HS3ST3A1: variants seen among roughly 807,000 people sequenced by gnomAD.
HS3ST3A1 encodes the protein heparan sulfate-glucosamine 3-sulfotransferase 3A1, also known as heparan sulfate glucosamine 3-O-sulfotransferase 3A1.
A neutral mutation model predicts 25.7 loss-of-function variants in HS3ST3A1; 19 were observed. The ratio of observed to expected loss-of-function variants is 0.74; its 90% CI spans 0.52 to 1.08. HS3ST3A1 has a LOEUF of 1.08. Among genes scored for constraint, HS3ST3A1 ranks in the 50% least tolerant of loss-of-function variants. The probability of loss-of-function intolerance (pLI) is 0.00; values close to 1 mark genes in which losing one functional copy is unlikely to be tolerated. For missense variants in HS3ST3A1, 459 were observed against 594.3 expected (o/e 0.77, Z 2.37); for synonymous variants, 226 against 278.6 (o/e 0.81, Z 1.88).
intron 1 of HS3ST3A1, among the ~76,000 whole-genome samples, chr17:13,593,911 T>A (rs1908506539): frequency 6.6e-6 from 1 of 152,168 alleles, no homozygotes; most frequent in African/African-American, 2.4e-5. Flanking sequence ...TTCCCATAAA[T>A]GCCTTAGTTC....
Position 13,600,541 on chromosome 17 carries a change from C to T in HS3ST3A1, c.589G>A (p.Ala197Thr). The change falls in exon 1 of 2, where the codon GCC becomes ACC. Residue 197 changes from alanine to threonine, a missense_variant. By Grantham distance (58) the Ala-to-Thr change is moderately conservative (BLOSUM62 0). Around this residue, in one of 3 missense-constraint regions of HS3ST3A1, gnomAD observed 346 missense variants for 303.9 expected, o/e 1.14. Transcript: ENST00000284110. ...FFDRSYDKGL[A>T]WYRDLMPRTL... The stretch of plus-strand genomic sequence containing the variant: ...GCCCGCCCCGCTCACCGGTACCAGG[C>T]GAGGCCCTTGTCGTAGCTGCGGTCG... The T allele has an allele frequency of 3.8e-6, 6 of 1,598,202 alleles. No individual in the cohort carries two copies. The highest frequency in any genetic ancestry group is 1.7e-4 in the Middle Eastern group (1 of 5,998).
chr17:13,559,815 T>TTTTTA (rs916630179), intron 1 of HS3ST3A1, among the ~76,000 whole-genome samples: 47 of 152,028 alleles, frequency 3.1e-4, no homozygotes, highest in Admixed American at 4.6e-4. Flanking sequence ...TAAATACACA[T>TTTTTA]TTTTATTTTA....
intron 1 of HS3ST3A1, among the ~76,000 whole-genome samples, chr17:13,590,993 C>T (rs1423050463): frequency 6.6e-6 from 1 of 151,880 alleles, no homozygotes; most frequent in Non-Finnish European, 1.5e-5. Flanking sequence ...TCTCCTTGCT[C>T]CAATTCCAGA....
At chr17:13,500,955 C>G (rs967186097) in intron 1 of HS3ST3A1, among the ~76,000 whole-genome samples, 1 of 152,212 alleles carries the variant, frequency 6.6e-6, no homozygotes, top group African/African-American at 2.4e-5. Context: ...CTGACATACA[C>G]TCCAACATAG....
In HS3ST3A1 at chr17:13,496,010, C is replaced by T. The variant is rs184702605; in HGVS notation, c.*187G>A. On this transcript the variant is annotated 3_prime_UTR_variant, in exon 2 of 2. Coordinates refer to ENST00000284110, the MANE Select transcript of HS3ST3A1 (RefSeq NM_006042.3). ...TTTAGACGAGTGAAATTTTCCTTTT[C>T]TGTTGATCCACGTGTTTGGTGTTGG... The T allele has an allele frequency of 8.0e-5, 54 of 676,894 alleles. No homozygotes were observed. The Admixed American group carries it at 1.2e-3, about 15-fold the overall frequency. 41.9% of individuals were successfully genotyped at this position (676,894 alleles called of 1,614,324 possible).
At chr17:13,516,590 C>T (rs755785768) in intron 1 of HS3ST3A1, among the ~76,000 whole-genome samples, 6 of 152,128 alleles carry the variant, frequency 3.9e-5, no homozygotes, top group Admixed American at 6.5e-5. Context: ...AAGTTGTACA[C>T]GCTTCTTGTT....
chr17:13,522,328 C>T (rs1375470391), intron 1 of HS3ST3A1, among the ~76,000 whole-genome samples: 2 of 151,442 alleles, frequency 1.3e-5, no homozygotes, highest in Non-Finnish European at 2.9e-5. Flanking sequence ...TATAGTCTCC[C>T]ACTTAGAAAT....
In HS3ST3A1 at chr17:13,600,456, C is replaced by G. The variant is rs142627880; in HGVS notation, c.599+75G>C. 2,317 of 1,452,782 alleles carry G rather than the reference C, an allele frequency of 1.6e-3. 26 individuals carry two copies. The African/African-American group carries it at 0.031, about 19-fold the overall frequency. The allele number at this position is 1,452,782 out of a possible 1,614,324, so 90.0% of individuals were successfully genotyped here. A position where few individuals can be genotyped will look rare whatever the true frequency, so the allele number is the denominator to read the frequency against. ...GGGAGGAGGGCGAACTGGGGGTCAC[C>G]GAGGGCTCCTCCACGTCTTTCCCAG... On this transcript the variant is annotated intron_variant, in intron 1 of 1. Coordinates refer to ENST00000284110, the MANE Select transcript of HS3ST3A1 (RefSeq NM_006042.3).
chr17:13,601,230 GC>G lies in HS3ST3A1; in HGVS notation c.-102del. The G allele has an allele frequency of 1.1e-6, 1 of 873,332 alleles. No individual in the cohort carries two copies. The highest frequency in any genetic ancestry group is 1.6e-6 in the Non-Finnish European group (1 of 612,652). The allele number at this position is 873,332 out of a possible 1,614,324, so 54.1% of individuals were successfully genotyped here. ...CGGCGGGCCAGCGCGCTGGACGGAG[GC>G]CACATCGCCGTGCGCCCCTGTGGCC... On this transcript the variant is annotated 5_prime_UTR_variant, in exon 1 of 2. The change abolishes the stop of an existing upstream ORF in the 5' untranslated region. Coordinates refer to ENST00000284110, the MANE Select transcript of HS3ST3A1 (RefSeq NM_006042.3).
intron 1 of HS3ST3A1, among the ~76,000 whole-genome samples, chr17:13,513,424 C>A (rs1905944187): frequency 6.6e-6 from 1 of 152,128 alleles, no homozygotes. Context: ...AAAAATTCTA[C>A]ATGCAAAAAA....
intron 1 of HS3ST3A1, among the ~76,000 whole-genome samples, chr17:13,579,123 T>G (rs1908032289): frequency 6.6e-6 from 1 of 152,216 alleles, no homozygotes; most frequent in Admixed American, 6.5e-5. Flanking sequence ...TTTGTCTTTG[T>G]TGTTTCAGCA....
At chr17:13,579,469 G>C (rs963098393) in intron 1 of HS3ST3A1, among the ~76,000 whole-genome samples, 1 of 151,944 alleles carries the variant, frequency 6.6e-6, no homozygotes, top group Non-Finnish European at 1.5e-5. Context: ...AGGAGGCCGA[G>C]GTGGGCAGAT....
At chr17:13,508,763 C>T (rs1051460716) in intron 1 of HS3ST3A1, among the ~76,000 whole-genome samples, 3 of 152,120 alleles carry the variant, frequency 2.0e-5, no homozygotes, top group Non-Finnish European at 4.4e-5. Flanking sequence ...AAAGAAATAA[C>T]TTTACAACAC....
chr17:13,575,425 G>A (rs1275452889), intron 1 of HS3ST3A1, among the ~76,000 whole-genome samples: 5 of 152,216 alleles, frequency 3.3e-5, no homozygotes, highest in Admixed American at 1.3e-4. Context: ...CTTTGAAGAA[G>A]AAACTATAGA....
intron 1 of HS3ST3A1, among the ~76,000 whole-genome samples, chr17:13,526,457 G>T (rs575903766): frequency 8.6e-6 from 1 of 116,228 alleles, no homozygotes; most frequent in African/African-American, 3.3e-5. Context: ...TATTGAACTT[G>T]GATACAACTT....
Position 13,496,112 on chromosome 17 carries a change from C to T in HS3ST3A1, c.*85G>A. ...AAAAAATACTGAAACATATTTTCAGCACAAATATTAAACTGTCTCTTCTCT... is the reference window on the plus strand; with the variant it reads ...AAAAAATACTGAAACATATTTTCAGTACAAATATTAAACTGTCTCTTCTCT... On this transcript the variant is annotated 3_prime_UTR_variant, in exon 2 of 2. Transcript: ENST00000284110. 1.5e-6 allele frequency: 2 copies of T among 1,358,660 alleles called. No homozygotes were observed. The highest frequency in any genetic ancestry group is 1.9e-6 in the Non-Finnish European group (2 of 1,028,066). The allele number at this position is 1,358,660 out of a possible 1,614,324, so 84.2% of individuals were successfully genotyped here. A position where few individuals can be genotyped will look rare whatever the true frequency, so the allele number is the denominator to read the frequency against.
intron 1 of HS3ST3A1, among the ~76,000 whole-genome samples, chr17:13,513,053 T>C (rs1444937869): frequency 6.6e-6 from 1 of 152,198 alleles, no homozygotes; most frequent in Non-Finnish European, 1.5e-5. Context: ...TGTTCAGACA[T>C]AGGGTATGCG....
intron 1 of HS3ST3A1, among the ~76,000 whole-genome samples, chr17:13,583,368 T>A (rs1418029324): frequency 1.3e-5 from 2 of 152,206 alleles, no homozygotes; most frequent in Non-Finnish European, 2.9e-5. Context: ...GGTCATGCAA[T>A]GAAATATTCT....
intron 1 of HS3ST3A1, among the ~76,000 whole-genome samples, chr17:13,531,491 C>T (rs1468420162): frequency 1.3e-5 from 2 of 152,212 alleles, no homozygotes; most frequent in East Asian, 3.9e-4. Flanking sequence ...GAAAGACCTC[C>T]TTGAATGTTA....
Sources: gnomAD v4.1 joint callset for allele counts (sites outside exome capture counted in the v4.1 genomes callset) on GRCh38, gnomAD v4.1.1 for gene constraint, gnomAD v4.1.1 regional missense constraint, MANE v1.5 for transcripts, NCBI Gene and HGNC (gene_info 2026-07-23, HGNC 2026-07-21) for gene names.